Variants in IPO5 observed in about 807,000 individuals in gnomAD.
The protein encoded by IPO5 is importin 5.
In IPO5, 18 loss-of-function variants were observed where a neutral mutation model predicts 143.3. That is an observed-to-expected ratio of 0.13 (90% CI 0.09 to 0.19). The LOEUF is 0.19. Ranked by LOEUF, IPO5 falls within the 10% of genes least tolerant of loss-of-function variation. IPO5 has a pLI of 1.00. For missense variants in IPO5, 1,013 were observed against 1,336.9 expected, an observed-to-expected ratio of 0.76 and a Z score of 3.78; for synonymous variants, 477 against 465.7, an observed-to-expected ratio of 1.02 and a Z score of -0.31.
Position 98,021,871 on chromosome 13 carries a change from C to A in IPO5, c.*49C>A. The A allele has an allele frequency of 7.8e-7, 1 of 1,287,318 alleles. No individual in the cohort carries two copies. Among genetic ancestry groups the A allele is most frequent in the Non-Finnish European group, 1.1e-6 (1 of 897,028 alleles). 79.7% of individuals were successfully genotyped at this position (1,287,318 alleles called of 1,614,324 possible). A position where few individuals can be genotyped will look rare whatever the true frequency, so the allele number is the denominator to read the frequency against. On this transcript the variant is annotated 3_prime_UTR_variant, in exon 29 of 29. Transcript: ENST00000651721. ...AAAACTAACTCCAAATAAACGCTTA[C>A]CCTTTCCTTTAGGTTTCTTTGTTTT... is the stretch of plus-strand genomic sequence containing the variant.
intron 2 of IPO5, among the ~76,000 whole-genome samples, chr13:97,956,184 G>GTGT (rs1037514348): frequency 6.6e-6 from 1 of 151,462 alleles, no homozygotes; most frequent in Non-Finnish European, 1.5e-5. Flanking sequence ...TAATAATTCA[G>GTGT]TGTTTCAAAA....
Position 98,006,452 on chromosome 13 carries a change from G to A in IPO5, c.1716+104G>A, listed in dbSNP as rs533590737. 1.1e-5 allele frequency: 7 copies of A among 656,884 alleles called. No individual in the cohort carries two copies. The African/African-American group carries it at 1.3e-4, about 13-fold the overall frequency. The allele number at this position is 656,884 out of a possible 1,614,324, so 40.7% of individuals were successfully genotyped here. On this transcript the variant is annotated intron_variant, in intron 17 of 28. Coordinates refer to ENST00000651721, the MANE Select transcript of IPO5 (RefSeq NM_002271.6). ...TGCAGTGGCACGATCTCGGCTCACT[G>A]CAAACTCTGCCTCCCAGGTTCATGC...
At chr13:97,996,499 C>T (rs1888300174) in intron 11 of IPO5, among the ~76,000 whole-genome samples, 1 of 152,198 alleles carries the variant, frequency 6.6e-6, no homozygotes, top group Non-Finnish European at 1.5e-5. Context: ...ACGCTTATTC[C>T]ACCCCCAGGG....
At chr13:97,972,168 C>T (rs1017405225) in intron 3 of IPO5, among the ~76,000 whole-genome samples, 3 of 152,160 alleles carry the variant, frequency 2.0e-5, no homozygotes, top group African/African-American at 7.2e-5. Flanking sequence ...AGACCCGAGA[C>T]AACTTAAAAC....
Position 98,021,094 on chromosome 13 carries a change from T to A in IPO5, c.3168T>A (p.Pro1056=). 1 of 1,610,210 alleles carries A rather than the reference T, an allele frequency of 6.2e-7. No homozygotes were observed. Among genetic ancestry groups the A allele is most frequent in the Non-Finnish European group, 8.5e-7 (1 of 1,178,732 alleles). Residue 1056 remains proline, a synonymous_variant, in exon 28 of 29, where the codon CCT becomes CCA. Coordinates refer to ENST00000651721, the MANE Select transcript of IPO5 (RefSeq NM_002271.6). The part of the protein sequence containing the change: ...EMHEAIKHED[P]CAKRLANVVR... ...ACGAGGCAATTAAACATGAAGATCC[T>A]TGTGCCAAACGTCTGGCCAATGTCG...
chr13:97,961,746 A>G (rs1221706895), intron 2 of IPO5, among the ~76,000 whole-genome samples: 1 of 152,136 alleles, frequency 6.6e-6, no homozygotes, highest in African/African-American at 2.4e-5. Flanking sequence ...TGTCTATTCA[A>G]ATGTTTTACC....
chr13:97,997,953 G>A (rs1010986150), intron 12 of IPO5, among the ~76,000 whole-genome samples: 1 of 152,178 alleles, frequency 6.6e-6, no homozygotes, highest in Non-Finnish European at 1.5e-5. Context: ...AGTATGACAT[G>A]AAAACAGCAA....
chr13:98,018,497 C>T lies in IPO5; in HGVS notation c.2629C>T (p.Pro877Ser). The change falls in exon 26 of 29, where the codon CCA (proline) becomes TCA (serine). Residue 877 changes from proline (P) to serine (S), a missense_variant. Transcript: ENST00000651721. ...ATTTCTTTTGTAGTGTCCACATAGACCATGGCCAGACAGACAATGGGGATT... is the reference window on the plus strand; with the variant it reads ...ATTTCTTTTGTAGTGTCCACATAGATCATGGCCAGACAGACAATGGGGATT... ...LIVNLICPHR[P>S]WPDRQWGLCI... 6.2e-7 allele frequency: 1 copy of T among 1,613,296 alleles called. No individual in the cohort carries two copies. Among genetic ancestry groups the T allele is most frequent in the Non-Finnish European group, 8.5e-7 (1 of 1,179,316 alleles).
At chr13:97,967,986 CTCTG>C (rs1412857227) in intron 2 of IPO5, among the ~76,000 whole-genome samples, 2 of 152,080 alleles carry the variant, frequency 1.3e-5, no homozygotes, top group African/African-American at 2.4e-5. Context: ...AGGGGTCTCA[CTCTG>C]TCTGTCACCC....
intron 28 of IPO5, 176 bp from the exon 29 acceptor site, chr13:98,021,560 A>C: frequency 2.4e-6 from 1 of 425,008 alleles, no homozygotes; most frequent in South Asian, 9.6e-5. Context: ...ACTTACTGGA[A>C]ATGAAATGAA....
intron 5 of IPO5, among the ~76,000 whole-genome samples, chr13:97,985,051 C>T (rs938160074): frequency 2.6e-5 from 4 of 152,002 alleles, no homozygotes; most frequent in Admixed American, 1.3e-4. Flanking sequence ...GTGGGAAAGG[C>T]GCTTGATATT....
In IPO5 at chr13:97,973,345, G is replaced by C. The variant is rs139386358; in HGVS notation, c.-4-3348G>C. ...GCGTGAGCCACTGCACCCAGCCCCT[G>C]AGTTATTTTCTTATAAGAAAATGAT... On this transcript the variant is annotated intron_variant, in intron 3 of 28. Transcript: ENST00000651721. Among the ~76,000 whole-genome samples the C allele has an allele frequency of 6.1e-3, 925 of 152,212 alleles. 11 individuals are homozygous for C. The highest frequency in any genetic ancestry group is 0.021 in the African/African-American group (874 of 41,532).
In IPO5 at chr13:98,021,750, G is replaced by A. The variant is rs781067700; in HGVS notation, c.3222G>A (p.Leu1074=). The A allele has an allele frequency of 1.3e-6, 2 of 1,568,614 alleles. No homozygotes were observed. Among genetic ancestry groups the A allele is most frequent in the South Asian group, 1.2e-5 (1 of 86,060 alleles). ...VVRQVQTSGG[L]WTECIAQLSP... ...TCTTTCCCTAGACTTCTGGAGGACT[G>A]TGGACTGAGTGCATAGCACAGCTCA... Residue 1074 remains leucine, a synonymous_variant, in exon 29 of 29, where the codon CTG becomes CTA. Coordinates refer to ENST00000651721, the MANE Select transcript of IPO5 (RefSeq NM_002271.6).
intron 4 of IPO5, among the ~76,000 whole-genome samples, chr13:97,980,351 G>A (rs1014503351): frequency 5.9e-5 from 9 of 152,056 alleles, no homozygotes; most frequent in South Asian, 2.1e-4. Context: ...TCTGTCACTC[G>A]TACTAAACTC....
chr13:97,992,994 A>C lies in IPO5; in HGVS notation c.772A>C (p.Thr258Pro), dbSNP rs777697696. The change falls in exon 10 of 29, where the codon ACT becomes CCT. Residue 258 changes from threonine to proline, a missense_variant. Around this residue, in one of 2 missense-constraint regions of IPO5, gnomAD observed 328 missense variants for 342.0 expected, o/e 0.96. Transcript: ENST00000651721. Reference protein sequence around the residue: ...PKYLRPHLEATLQLSLKLCGD... With the variant: ...PKYLRPHLEAPLQLSLKLCGD... Reference sequence around the variant, plus strand: ...GTATTTGCGTCCTCACTTGGAAGCAACTCTACAGCTAAGTCTAAAGGTAAA... The same window carrying C: ...GTATTTGCGTCCTCACTTGGAAGCACCTCTACAGCTAAGTCTAAAGGTAAA... The C allele has an allele frequency of 1.2e-6, 2 of 1,613,710 alleles. No homozygotes were observed. The highest frequency in any genetic ancestry group is 1.7e-6 in the Non-Finnish European group (2 of 1,179,706).
chr13:97,997,581 G>A lies in IPO5; in HGVS notation c.964G>A (p.Ala322Thr), dbSNP rs769101042. The change falls in exon 12 of 29, where the codon GCA (alanine) becomes ACA (threonine). Residue 322 changes from alanine to threonine, a missense_variant. Physicochemically the swap from Ala to Thr is moderately conservative, Grantham distance 58. Coordinates refer to ENST00000651721, the MANE Select transcript of IPO5 (RefSeq NM_002271.6). The stretch of plus-strand genomic sequence containing the variant: ...TGATTTGGAAGAAGATGAGGACTGG[G>A]CAAATGCAGATGAACTAGAAGATGA... ...MVDLEEDEDWANADELEDDDF... is the reference protein window; with the variant it reads ...MVDLEEDEDWTNADELEDDDF... The A allele has an allele frequency of 2.5e-6, 4 of 1,610,892 alleles. 1 individual carries two copies. The South Asian group carries it at 4.4e-5, about 18-fold the overall frequency.
Position 98,016,803 on chromosome 13 carries a change from G to C in IPO5, c.2568G>C (p.Lys856Asn). The C allele has an allele frequency of 6.3e-7, 1 of 1,579,594 alleles. No homozygotes were observed. Among genetic ancestry groups the C allele is most frequent in the Non-Finnish European group, 8.6e-7 (1 of 1,164,452 alleles). ...CAATATTCAGTAGCTACAAAGAAAA[G>C]GTGTTACCATGGTTTGAACAGCTGC... The part of the protein sequence containing the change: ...LHSIFSSYKE[K>N]VLPWFEQLLP... The change falls in exon 25 of 29, where the codon AAG (lysine) becomes AAC (asparagine). Residue 856 changes from lysine (K) to asparagine (N), a missense_variant. Physicochemically the swap from Lys to Asn is moderately conservative, Grantham distance 94. This residue lies in a region of IPO5 where 685 missense variants were observed against 994.9 expected (regional missense o/e 0.69). Transcript: ENST00000651721.
At chr13:98,008,022 G>T in intron 17 of IPO5, 37 bp from the exon 18 acceptor site, 1 of 1,318,156 alleles carries the variant, frequency 7.6e-7, no homozygotes, top group Non-Finnish European at 1.1e-6. Flanking sequence ...AACAAAATTC[G>T]GTATCAACAA....
chr13:98,015,388 C>A, intron 22 of IPO5, 142 bp from the exon 23 acceptor site: 1 of 603,678 alleles, frequency 1.7e-6, no homozygotes, highest in South Asian at 2.2e-5. Flanking sequence ...GTCATTCTAA[C>A]AAATACAAGC....
Sources: gnomAD v4.1 joint callset for allele counts (sites outside exome capture counted in the v4.1 genomes callset) on GRCh38, gnomAD v4.1.1 for gene constraint, gnomAD v4.1.1 regional missense constraint, MANE v1.5 for transcripts, NCBI Gene and HGNC (gene_info 2026-07-23, HGNC 2026-07-21) for gene names.